The following RGS6 variants were observed in gnomAD, a reference collection of about 807,000 sequenced individuals.
RGS6 encodes the protein regulator of G protein signaling 6, also known as regulator of G-protein signaling 6.
In RGS6, 30 loss-of-function variants were observed where a neutral mutation model predicts 78.5. That is an observed-to-expected ratio of 0.38 (90% confidence interval 0.29 to 0.52). The LOEUF is 0.52. Ranked by LOEUF, RGS6 falls within the 20% of genes least tolerant of loss-of-function variation. The pLI, the probability that RGS6 is intolerant of heterozygous loss-of-function variation, is 0.85. For synonymous variants in RGS6, 206 were observed against 206.0 expected, an observed-to-expected ratio of 1.00 and a Z score of 0.00; for missense variants, 495 against 609.7, an observed-to-expected ratio of 0.81 and a Z score of 1.98.
intron 3 of RGS6, among the ~76,000 whole-genome samples, 199 bp downstream of exon 3, chr14:72,352,393 C>T (rs546082699): frequency 3.9e-5 from 6 of 152,300 alleles, no homozygotes; most frequent in Middle Eastern, 3.4e-3. Flanking sequence ...ATGACCTTAC[C>T]ATGACCAGCC....
intron 15 of RGS6, among the ~76,000 whole-genome samples, chr14:72,522,673 C>T (rs971733848): frequency 6.8e-6 from 1 of 147,388 alleles, no homozygotes; most frequent in African/African-American, 2.6e-5. Flanking sequence ...TCACAAAATA[C>T]AATTCTTCTT....
chr14:72,300,809 ACTT>A (rs1425415623), intron 2 of RGS6, among the ~76,000 whole-genome samples: 2 of 152,144 alleles, frequency 1.3e-5, no homozygotes, highest in African/African-American at 4.8e-5. Flanking sequence ...CGTTTCTTTG[ACTT>A]CTTCTGTGAG....
At chr14:72,117,889 C>G (rs961799138) in intron 2 of RGS6, among the ~76,000 whole-genome samples, 15 of 152,170 alleles carry the variant, frequency 9.9e-5, no homozygotes, top group African/African-American at 3.4e-4. Flanking sequence ...CTGTTGCCAT[C>G]TATTCGGAGT....
chr14:72,448,874 G>A (rs748295576), intron 3 of RGS6, among the ~76,000 whole-genome samples: 15 of 152,160 alleles, frequency 9.9e-5, no homozygotes, highest in Non-Finnish European at 1.9e-4. Context: ...GTAGCCTGTG[G>A]TCTTGAGCCT....
chr14:72,021,737 G>A (rs985948153), intron 2 of RGS6, among the ~76,000 whole-genome samples: 17 of 151,808 alleles, frequency 1.1e-4, no homozygotes, highest in African/African-American at 3.4e-4. Context: ...CTCCCATAGT[G>A]CTGGGATTAC....
At chr14:72,185,301 AC>A (rs35585132) in intron 2 of RGS6, among the ~76,000 whole-genome samples, 1 of 151,766 alleles carries the variant, frequency 6.6e-6, no homozygotes, top group Non-Finnish European at 1.5e-5. Flanking sequence ...CCTCACAGAC[AC>A]CCCCAGTGAC....
At chr14:72,301,356 C>T (rs1409922635) in intron 2 of RGS6, among the ~76,000 whole-genome samples, 1 of 152,048 alleles carries the variant, frequency 6.6e-6, no homozygotes, top group Non-Finnish European at 1.5e-5. Context: ...TTCTAGACTA[C>T]TCCAGACTGA....
rs192424247 is a variant in RGS6 at position 72,534,621 on chromosome 14, A to T, written c.1279-1565A>T. Among the ~76,000 whole-genome samples the T allele has an allele frequency of 2.5e-3, 373 of 152,096 alleles. 3 individuals carry two copies. Among genetic ancestry groups the T allele is most frequent in the African/African-American group, 8.5e-3 (352 of 41,496 alleles). ...TATTCATTGATGGACTCATAGGTTG[A>T]CTCCATATCTTGGCTACTGTGCTCT... On this transcript the variant is annotated intron_variant, in intron 15 of 17. Coordinates refer to ENST00000553525, the MANE Select transcript of RGS6 (RefSeq NM_001204424.2).
At chr14:72,016,585 T>C (rs1464952155) in intron 2 of RGS6, among the ~76,000 whole-genome samples, 2 of 152,188 alleles carry the variant, frequency 1.3e-5, no homozygotes, top group Non-Finnish European at 2.9e-5. Context: ...CAGGATTGTC[T>C]CAATCTCCTG....
intron 2 of RGS6, among the ~76,000 whole-genome samples, chr14:72,314,966 C>T (rs2069689757): frequency 6.6e-6 from 1 of 152,216 alleles, no homozygotes; most frequent in African/African-American, 2.4e-5. Flanking sequence ...TGAAACATTG[C>T]TTTGGGATGG....
chr14:72,133,118 A>G (rs2096363213), intron 2 of RGS6, among the ~76,000 whole-genome samples: 1 of 152,168 alleles, frequency 6.6e-6, no homozygotes, highest in Admixed American at 6.5e-5. Flanking sequence ...CTCATTGGGT[A>G]GGGACATCAT....
chr14:71,931,034 C>T (rs1045283693), upstream of RGS6, among the ~76,000 whole-genome samples: 15 of 123,400 alleles, frequency 1.2e-4, no homozygotes, highest in African/African-American at 4.5e-4. Flanking sequence ...CTCCTCAAAG[C>T]GGAAGTTTCC....
At chr14:72,621,140 CAAAA>C in the RGS6 span, among the ~76,000 whole-genome samples, 9 of 122,052 alleles carry the variant, frequency 7.4e-5, no homozygotes, top group Non-Finnish European at 7.1e-5. Context: ...GACTCTGTCT[CAAAA>C]AAAAAAAAAA....
chr14:71,921,545 T>G, the RGS6 span, among the ~76,000 whole-genome samples: 1 of 152,198 alleles, frequency 6.6e-6, no homozygotes, highest in Admixed American at 6.5e-5. Context: ...ATCCTGTCAT[T>G]TGTAACACAA....
chr14:72,478,248 T>A lies in RGS6; in HGVS notation c.793-20T>A, dbSNP rs1420347545. ...ATAATTTTAGTTTGGTCTTAACATC[T>A]GTGTTCTCTATTTTCCCAGATAACA... is the stretch of plus-strand genomic sequence containing the variant. On this transcript the variant is annotated intron_variant, in intron 11 of 17. Coordinates refer to ENST00000553525, the MANE Select transcript of RGS6 (RefSeq NM_001204424.2). 1 of 1,597,320 alleles carries A rather than the reference T, an allele frequency of 6.3e-7. No homozygotes were observed. The highest frequency in any genetic ancestry group is 2.2e-5 in the East Asian group (1 of 44,808).
chr14:72,152,478 A>G (rs574220066), intron 2 of RGS6, among the ~76,000 whole-genome samples: 22 of 152,320 alleles, frequency 1.4e-4, no homozygotes, highest in African/African-American at 5.1e-4. Context: ...TGGGGCAGCA[A>G]TTGAATGAGA....
rs569057000 is a variant in RGS6 at position 72,349,938 on chromosome 14, A to C, written c.85-2157A>C. Among the ~76,000 whole-genome samples the C allele has an allele frequency of 5.3e-5, 8 of 152,350 alleles. No individual in the cohort carries two copies. In the South Asian group the frequency reaches 1.7e-3, roughly 32 times the overall value. On this transcript the variant is annotated intron_variant, in intron 2 of 17. Transcript: ENST00000553525. ...GTAACTGATACTTCTGGTTTCAAAT[A>C]ATATGCTAGATCAAAAGCATAAATT... is the stretch of plus-strand genomic sequence containing the variant.
At chr14:72,503,965 G>C (rs1021031353) in intron 13 of RGS6, among the ~76,000 whole-genome samples, 2 of 152,228 alleles carry the variant, frequency 1.3e-5, no homozygotes, top group African/African-American at 4.8e-5. Context: ...CCATATTGCA[G>C]CTTTCTGTGG....
At chr14:72,275,227 T>G (rs1049473333) in intron 2 of RGS6, among the ~76,000 whole-genome samples, 3 of 152,250 alleles carry the variant, frequency 2.0e-5, no homozygotes, top group Admixed American at 2.0e-4. Flanking sequence ...TGAACACATA[T>G]TAATTTTGTG....
Sources: gnomAD v4.1 joint callset for allele counts (sites outside exome capture counted in the v4.1 genomes callset) on GRCh38, gnomAD v4.1.1 for gene constraint, MANE v1.5 for transcripts, NCBI Gene and HGNC (gene_info 2026-07-23, HGNC 2026-07-21) for gene names.